Variants in PCMT1 observed in about 807,000 individuals in gnomAD.
PCMT1 encodes the protein protein-L-isoaspartate (D-aspartate) O-methyltransferase.
A neutral mutation model predicts 29.2 loss-of-function variants in PCMT1; 9 were observed. The ratio of observed to expected loss-of-function variants is 0.31; its 90% CI spans 0.19 to 0.54. The LOEUF (loss-of-function observed/expected upper bound fraction) is 0.54, where lower values mean the gene tolerates loss of function less well. Ranked by LOEUF, PCMT1 falls within the 20% of genes least tolerant of loss-of-function variation. The probability of loss-of-function intolerance (pLI) is 0.95; values close to 1 mark genes in which losing one functional copy is unlikely to be tolerated. For missense variants in PCMT1, 184 were observed against 282.2 expected, an observed-to-expected ratio of 0.65 and a Z score of 2.49; for synonymous variants, 98 against 97.5, an observed-to-expected ratio of 1.00 and a Z score of -0.03.
At chr6:149,773,418 G>A (rs1270517120) in intron 3 of PCMT1, among the ~76,000 whole-genome samples, 1 of 151,950 alleles carries the variant, frequency 6.6e-6, no homozygotes, top group Non-Finnish European at 1.5e-5. Flanking sequence ...TCGCTCTGTC[G>A]CCCAGGCTAG....
intron 1 of PCMT1, among the ~76,000 whole-genome samples, chr6:149,763,054 C>A (rs1251663674): frequency 7.4e-5 from 4 of 54,222 alleles, no homozygotes; most frequent in South Asian, 5.7e-4. Flanking sequence ...ATATGTATAT[C>A]TATGATATAT....
At chr6:149,759,155 G>A (rs1452224913) in intron 1 of PCMT1, among the ~76,000 whole-genome samples, 3 of 152,252 alleles carry the variant, frequency 2.0e-5, no homozygotes, top group South Asian at 2.1e-4. Flanking sequence ...GATTACAGGC[G>A]TGAGCCACCG....
chr6:149,789,427 G>T (rs977753274), intron 3 of PCMT1, among the ~76,000 whole-genome samples: 1 of 151,848 alleles, frequency 6.6e-6, no homozygotes, highest in South Asian at 2.1e-4. Context: ...GGTGGCTTAT[G>T]TATGTCATCC....
intron 3 of PCMT1, among the ~76,000 whole-genome samples, chr6:149,788,063 G>A (rs774669413): frequency 2.8e-4 from 42 of 152,014 alleles, no homozygotes; most frequent in Non-Finnish European, 5.0e-4. Flanking sequence ...GACTACAGGC[G>A]CCCACCACCA....
At position 149,785,456 on chromosome 6, in the gene PCMT1, G is replaced by GATTATTCTT. The variant is rs1271293466; in HGVS notation, c.193-4498_193-4497insATTATTCTT. Reference sequence around the variant, plus strand: ...ATCATTCTTGGGTGTTTCTCGCAGAGGGGGATTTGGCAGGGTCATAGGACA... The same window carrying GATTATTCTT: ...ATCATTCTTGGGTGTTTCTCGCAGAGATTATTCTTGGGGATTTGGCAGGGTCATAGGACA... On this transcript the variant is annotated intron_variant, in intron 3 of 7. Transcript: ENST00000464889. 1.3e-4 allele frequency among the ~76,000 whole-genome samples: 19 copies of GATTATTCTT among 149,526 alleles called. No homozygotes were observed. In the South Asian group the frequency reaches 4.0e-3, roughly 32 times the overall value.
At chr6:149,790,352 TTCTC>T (rs1664203429) in intron 4 of PCMT1, among the ~76,000 whole-genome samples, 1 of 151,956 alleles carries the variant, frequency 6.6e-6, no homozygotes, top group Non-Finnish European at 1.5e-5. Flanking sequence ...GACGATAGGG[TTCTC>T]TCTGTTTCTT....
chr6:149,770,853 G>GT (rs1787286019), intron 1 of PCMT1, among the ~76,000 whole-genome samples: 1 of 88,610 alleles, frequency 1.1e-5, no homozygotes, highest in African/African-American at 8.7e-5. Flanking sequence ...CAAAAAATTA[G>GT]CCAGGCGTGG....
At chr6:149,808,878 C>T (rs1052569449) in intron 7 of PCMT1, among the ~76,000 whole-genome samples, 47 of 151,648 alleles carry the variant, frequency 3.1e-4, no homozygotes, top group African/African-American at 5.1e-4. Flanking sequence ...CCTCATGATC[C>T]GCCCGCCTTG....
At chr6:149,760,439 C>T (rs1032105702) in intron 1 of PCMT1, among the ~76,000 whole-genome samples, 1 of 152,202 alleles carries the variant, frequency 6.6e-6, no homozygotes, top group African/African-American at 2.4e-5. Flanking sequence ...CTAGACTCCT[C>T]TCTTGTTGCT....
chr6:149,754,641 T>C (rs913223032), intron 1 of PCMT1, among the ~76,000 whole-genome samples: 3 of 152,186 alleles, frequency 2.0e-5, no homozygotes, highest in African/African-American at 7.2e-5. Context: ...GGTCTGAAAA[T>C]ATTAAATGGG....
intron 1 of PCMT1, among the ~76,000 whole-genome samples, chr6:149,752,437 G>C (rs1470406767): frequency 6.6e-6 from 1 of 152,074 alleles, no homozygotes; most frequent in East Asian, 1.9e-4. Flanking sequence ...GACCTAAGGT[G>C]ATCTGCCTGC....
Position 149,810,708 on chromosome 6 carries a change from A to C in PCMT1, c.*130A>C. ...TCAAAGCTTTTTGAAAACCAACACC[A>C]TCACAGCTTGTTTTGGACTTTGTTA... On this transcript the variant is annotated 3_prime_UTR_variant, in exon 8 of 8. Transcript: ENST00000464889. 9.6e-7 allele frequency: 1 copy of C among 1,044,468 alleles called. No individual in the cohort carries two copies. The highest frequency in any genetic ancestry group is 1.4e-6 in the Non-Finnish European group (1 of 691,324). The allele number at this position is 1,044,468 out of a possible 1,614,324, so 64.7% of individuals were successfully genotyped here. A position where few individuals can be genotyped will look rare whatever the true frequency, so the allele number is the denominator to read the frequency against.
intron 5 of PCMT1, chr6:149,795,021 C>T (rs1405736350): frequency 1.1e-5 from 4 of 356,932 alleles, no homozygotes; most frequent in Non-Finnish European, 2.2e-5. Context: ...GGTGAAACCC[C>T]GTCTCTACTA....
chr6:149,771,346 C>G, intron 2 of PCMT1, 80 bp downstream of exon 2: 1 of 826,336 alleles, frequency 1.2e-6, no homozygotes. Context: ...GCCTGGGACA[C>G]AGATATTTAT....
intron 3 of PCMT1, among the ~76,000 whole-genome samples, chr6:149,779,045 A>G (rs951855035): frequency 6.6e-6 from 1 of 150,816 alleles, no homozygotes; most frequent in African/African-American, 2.4e-5. Context: ...GCCCCACCCC[A>G]CCCCCCCACT....
chr6:149,754,396 TTAAA>T (rs1442299329), intron 1 of PCMT1, among the ~76,000 whole-genome samples: 2 of 152,280 alleles, frequency 1.3e-5, no homozygotes, highest in East Asian at 3.9e-4. Flanking sequence ...ATGTGACTAT[TTAAA>T]TAATGTTTAT....
chr6:149,769,772 T>G (rs77156693), intron 1 of PCMT1, among the ~76,000 whole-genome samples: 1 of 39,398 alleles, frequency 2.5e-5, no homozygotes, highest in East Asian at 4.7e-3. Flanking sequence ...CTAATTAAAT[T>G]TTTTTTTTTT....
At chr6:149,799,314 TA>T (rs200334222) in intron 6 of PCMT1, among the ~76,000 whole-genome samples, 9 of 149,836 alleles carry the variant, frequency 6.0e-5, no homozygotes, top group African/African-American at 2.0e-4. Context: ...ACCCTGTCTC[TA>T]AAAAAAATAA....
intron 3 of PCMT1, among the ~76,000 whole-genome samples, chr6:149,775,824 A>G: frequency 6.6e-6 from 1 of 152,198 alleles, no homozygotes; most frequent in East Asian, 1.9e-4. Flanking sequence ...AATAAGTGAA[A>G]GACCGGTAAG....
Sources: allele counts gnomAD v4.1 joint callset (sites outside exome capture counted in the v4.1 genomes callset), GRCh38; gene constraint gnomAD v4.1.1; transcripts MANE v1.5; gene names NCBI Gene and HGNC (gene_info 2026-07-23, HGNC 2026-07-21).